ERC1: variants seen among roughly 807,000 people sequenced by gnomAD.
ERC1 encodes the protein RAB6 interacting protein 2.
A neutral mutation model predicts 132.0 loss-of-function variants in ERC1; 56 were observed. The observed-to-expected ratio is 0.42, with a 90% CI of 0.34 to 0.53. The LOEUF (loss-of-function observed/expected upper bound fraction) is 0.53, where lower values mean the gene tolerates loss of function less well. Ranked by LOEUF, ERC1 falls within the 20% of genes least tolerant of loss-of-function variation. ERC1 has a pLI of 0.03. For synonymous variants in ERC1, 478 were observed against 476.1 expected, an observed-to-expected ratio of 1.00 and a Z score of -0.05; for missense variants, 1,202 against 1,349.9, an observed-to-expected ratio of 0.89 and a Z score of 1.72.
Position 1,440,630 on chromosome 12 carries a change from G to T in ERC1, c.3025-3932G>T, listed in dbSNP as rs1169158005. Among the ~76,000 whole-genome samples, 138 of 115,616 alleles carry T rather than the reference G, an allele frequency of 1.2e-3. 6 individuals are homozygous for T. The highest frequency in any genetic ancestry group is 5.8e-3 in the African/African-American group (130 of 22,524). The allele number at this position is 115,616 out of a possible 152,430, so 75.8% of individuals were successfully genotyped here. A position where few individuals can be genotyped will look rare whatever the true frequency, so the allele number is the denominator to read the frequency against. On this transcript the variant is annotated intron_variant, in intron 17 of 18. Transcript: ENST00000360905. ...TGTGTGTGTGTGTGTGTGTGTGTGT[G>T]TGTGTGTGTGTGTGTGTGTGTGTGT... is the stretch of plus-strand genomic sequence containing the variant.
At chr12:1,161,759 T>C (rs1324276843) in intron 8 of ERC1, among the ~76,000 whole-genome samples, 1 of 152,202 alleles carries the variant, frequency 6.6e-6, no homozygotes, top group African/African-American at 2.4e-5. Context: ...TTCTGTACTT[T>C]GCTTCTTGAT....
At chr12:1,290,879 A>G (rs903881945) in intron 15 of ERC1, among the ~76,000 whole-genome samples, 6 of 152,248 alleles carry the variant, frequency 3.9e-5, no homozygotes, top group South Asian at 4.1e-4. Flanking sequence ...TCTGTCACAG[A>G]TTTCAAGTCC....
chr12:1,076,442 T>C (rs1941361066), intron 2 of ERC1, among the ~76,000 whole-genome samples: 1 of 150,350 alleles, frequency 6.7e-6, no homozygotes, highest in African/African-American at 2.4e-5. Context: ...TCGCCCAGGC[T>C]GGAGTGCAGT....
At chr12:1,429,980 A>C (rs2092744768) in intron 17 of ERC1, among the ~76,000 whole-genome samples, 1 of 152,252 alleles carries the variant, frequency 6.6e-6, no homozygotes. Flanking sequence ...CCAGGAATTC[A>C]GCAGCGTCTT....
At chr12:1,435,968 G>A (rs192920269) in intron 17 of ERC1, among the ~76,000 whole-genome samples, 1 of 152,270 alleles carries the variant, frequency 6.6e-6, no homozygotes, top group East Asian at 1.9e-4. Context: ...GAGAAGCTAC[G>A]TCTACCACAG....
chr12:1,232,457 G>A (rs1473661744), intron 12 of ERC1, among the ~76,000 whole-genome samples: 4 of 152,158 alleles, frequency 2.6e-5, no homozygotes, highest in African/African-American at 4.8e-5. Context: ...ATTTAATGCT[G>A]CATCGGAGCT....
chr12:1,402,614 A>AACACACACACAC lies in ERC1; in HGVS notation c.2926-5515_2926-5504dup, dbSNP rs56777839. Among the ~76,000 whole-genome samples the AACACACACACAC allele has an allele frequency of 8.5e-3, 1,238 of 144,952 alleles. 10 individuals carry two copies. Among genetic ancestry groups the AACACACACACAC allele is most frequent in the African/African-American group, 0.017 (656 of 39,164 alleles). ...GAAAAAGAATATCTGTGTAACCCCC[A>AACACACACACAC]ACACACACACACACACACACACACA... On this transcript the variant is annotated intron_variant, in intron 16 of 18. Transcript: ENST00000360905.
intron 2 of ERC1, among the ~76,000 whole-genome samples, chr12:1,046,596 A>G (rs1324187321): frequency 6.6e-6 from 1 of 152,148 alleles, no homozygotes; most frequent in Non-Finnish European, 1.5e-5. Context: ...TACAGTGTCT[A>G]CTCTCTGGCC....
intron 15 of ERC1, among the ~76,000 whole-genome samples, chr12:1,339,463 C>T (rs1304521349): frequency 6.9e-6 from 1 of 144,448 alleles, no homozygotes; most frequent in Non-Finnish European, 1.5e-5. Flanking sequence ...GCATTCACTG[C>T]AGTGGCAGAG....
intron 15 of ERC1, among the ~76,000 whole-genome samples, chr12:1,352,944 G>A (rs2085152497): frequency 2.0e-5 from 3 of 151,854 alleles, no homozygotes; most frequent in Admixed American, 2.0e-4. Context: ...GTGTGATTTA[G>A]GCATGTATAT....
At chr12:1,069,611 C>T (rs1377565608) in intron 2 of ERC1, among the ~76,000 whole-genome samples, 1 of 152,092 alleles carries the variant, frequency 6.6e-6, no homozygotes. Context: ...ATCCTTATCT[C>T]CAGAATACTT....
chr12:1,472,919 T>C (rs2154428244), intron 18 of ERC1, among the ~76,000 whole-genome samples: 1 of 152,340 alleles, frequency 6.6e-6, no homozygotes, highest in African/African-American at 2.4e-5. Flanking sequence ...GAAGTCCCTT[T>C]ATATCACCAC....
intron 7 of ERC1, among the ~76,000 whole-genome samples, chr12:1,138,052 A>G (rs924554142): frequency 7.6e-6 from 1 of 131,870 alleles, no homozygotes; most frequent in Non-Finnish European, 1.5e-5. Context: ...AAATACAATT[A>G]TATATAATTA....
chr12:1,074,255 G>GCC (rs1416736484), intron 2 of ERC1, among the ~76,000 whole-genome samples: 1 of 152,014 alleles, frequency 6.6e-6, no homozygotes, highest in African/African-American at 2.4e-5. Flanking sequence ...GGTGTATATA[G>GCC]AATGCATTTA....
intron 2 of ERC1, among the ~76,000 whole-genome samples, chr12:1,049,587 A>G (rs1233562292): frequency 6.6e-6 from 1 of 152,092 alleles, no homozygotes; most frequent in Non-Finnish European, 1.5e-5. Flanking sequence ...GGTAGTGTGA[A>G]CTGAAATGTA....
chr12:1,424,579 G>GGC (rs2092547606), intron 17 of ERC1, among the ~76,000 whole-genome samples: 1 of 152,128 alleles, frequency 6.6e-6, no homozygotes, highest in Non-Finnish European at 1.5e-5. Flanking sequence ...AGATCCTCAA[G>GGC]GCAGTGGTGT....
chr12:1,168,608 C>T (rs905700490), intron 8 of ERC1, among the ~76,000 whole-genome samples: 2 of 151,618 alleles, frequency 1.3e-5, no homozygotes, highest in African/African-American at 4.9e-5. Flanking sequence ...CCTCAGCCTC[C>T]CGAGTAGCTG....
At chr12:992,530 A>G (rs1959781539) in intron 1 of ERC1, among the ~76,000 whole-genome samples, 1 of 152,176 alleles carries the variant, frequency 6.6e-6, no homozygotes, top group Non-Finnish European at 1.5e-5. Flanking sequence ...TTAAAATGAA[A>G]TGGAACTCTT....
chr12:1,481,264 C>T (rs757239353), intron 18 of ERC1, among the ~76,000 whole-genome samples: 45 of 152,200 alleles, frequency 3.0e-4, no homozygotes, highest in Non-Finnish European at 4.7e-4. Context: ...GTGAATAATC[C>T]ATTTCAGGTT....
Sources: allele counts gnomAD v4.1 joint callset (sites outside exome capture counted in the v4.1 genomes callset), GRCh38; gene constraint gnomAD v4.1.1; transcripts MANE v1.5; gene names NCBI Gene and HGNC (gene_info 2026-07-23, HGNC 2026-07-21).